Variants in ZNF444 observed in about 807,000 individuals in gnomAD.
The protein encoded by ZNF444 is zinc finger protein 444, also known as endothelial zinc finger protein 2.
A neutral mutation model predicts 14.4 loss-of-function variants in ZNF444; 8 were observed. The ratio of observed to expected loss-of-function variants is 0.56; its 90% CI spans 0.33 to 1.00. ZNF444 has a LOEUF of 1.00. ZNF444 is among the 50% of genes least tolerant of loss of function. The pLI is 0.03. For missense variants in ZNF444, 510 were observed against 504.8 expected (o/e 1.01, Z -0.10); for synonymous variants, 258 against 235.9 (o/e 1.09, Z -0.86).
At chr19:56,156,804 C>G (rs551480382) in intron 3 of ZNF444, 1 of 152,630 alleles carries the variant, frequency 6.6e-6, no homozygotes. Context: ...CTCCCCCCTT[C>G]TGTGTGCCTG....
upstream of ZNF444, among the ~76,000 whole-genome samples, chr19:56,140,062 C>G (rs1416394451): frequency 6.6e-6 from 1 of 152,196 alleles, no homozygotes; most frequent in East Asian, 1.9e-4. Flanking sequence ...GCAAACTGGT[C>G]ACAAAGTTCT....
In ZNF444 at chr19:56,146,964, C is replaced by T. The variant is rs549994174; in HGVS notation, c.53C>T (p.Ser18Phe). Residue 18 changes from serine to phenylalanine, a missense_variant, in exon 3 of 5, where the codon TCC (serine) becomes TTC (phenylalanine). By Grantham distance (155) the Ser-to-Phe change is radical. Coordinates refer to ENST00000337080, the MANE Select transcript of ZNF444 (RefSeq NM_018337.4). ...GAGGCCGAGGGCCTGGCGCTGGACT[C>T]CCCGTGGCACCGCTTCCGCCGCTTC... ...KQEAEGLALD[S>F]PWHRFRRFHL... is the part of the protein sequence containing the mutation. 5.8e-5 allele frequency: 83 copies of T among 1,442,422 alleles called. No homozygotes were observed. Among genetic ancestry groups the T allele is most frequent in the South Asian group, 1.7e-4 (12 of 69,920 alleles). The allele number at this position is 1,442,422 out of a possible 1,614,324, so 89.4% of individuals were successfully genotyped here. A position where few individuals can be genotyped will look rare whatever the true frequency, so the allele number is the denominator to read the frequency against.
upstream of ZNF444, among the ~76,000 whole-genome samples, chr19:56,138,624 C>G (rs1188179107): frequency 1.3e-5 from 2 of 152,002 alleles, no homozygotes; most frequent in Admixed American, 1.3e-4. Context: ...CAGATTCAGA[C>G]CCTGTCTCAA....
Position 56,160,355 on chromosome 19 carries a change from T to G in ZNF444, c.*154T>G. Reference sequence around the variant, plus strand: ...TTGTCTGAACTTCCCAACGCCTTCCTATTCCTTTCCAACTCCTTTTCCCCC... The same window carrying G: ...TTGTCTGAACTTCCCAACGCCTTCCGATTCCTTTCCAACTCCTTTTCCCCC... On this transcript the variant is annotated 3_prime_UTR_variant, in exon 5 of 5. Transcript: ENST00000337080. The G allele has an allele frequency of 1.7e-6, 1 of 578,406 alleles. No homozygotes were observed. The highest frequency in any genetic ancestry group is 2.8e-6 in the Non-Finnish European group (1 of 355,480). The allele number at this position is 578,406 out of a possible 1,614,324, so 35.8% of individuals were successfully genotyped here.
chr19:56,141,783 C>A (rs748318796), intron 1 of ZNF444: 1 of 151,582 alleles, frequency 6.6e-6, no homozygotes, highest in Non-Finnish European at 1.5e-5. Flanking sequence ...GGGACCGGAC[C>A]CCTTCGGAAA....
chr19:56,154,688 C>G (rs2031793694), intron 3 of ZNF444: 1 of 150,500 alleles, frequency 6.6e-6, no homozygotes, highest in Non-Finnish European at 1.5e-5. Context: ...CAGCTTGATT[C>G]CGCAGTGGGT....
Position 56,141,310 on chromosome 19 carries a change from T to C in ZNF444, c.-244T>C, listed in dbSNP as rs2030778451. On this transcript the variant is annotated 5_prime_UTR_variant, in exon 1 of 5. The change abolishes an upstream ATG in the 5' untranslated region. Transcript: ENST00000337080. ...GGAGTCCCGGCGAGCTTTGTGCGCA[T>C]GTGCGGGGAGGTGAGGGGGCTTGGG... is the stretch of plus-strand genomic sequence containing the variant. 1 of 20,078 alleles carries C rather than the reference T, an allele frequency of 5.0e-5. No individual in the cohort carries two copies. The highest frequency in any genetic ancestry group is 6.6e-4 in the Admixed American group (1 of 1,504). 1.2% of individuals were successfully genotyped at this position (20,078 alleles called of 1,614,324 possible). A position where few individuals can be genotyped will look rare whatever the true frequency, so the allele number is the denominator to read the frequency against.
Position 56,153,777 on chromosome 19 carries a change from A to G in ZNF444, c.298-4717A>G, listed in dbSNP as rs1357177441. Among the ~76,000 whole-genome samples the G allele has an allele frequency of 2.0e-5, 3 of 152,196 alleles. No homozygotes were observed. In the East Asian group the frequency reaches 5.8e-4, roughly 29 times the overall value. On this transcript the variant is annotated intron_variant, in intron 3 of 4. Transcript: ENST00000337080. ...CCAGCCAGTACCTGGTTAGCTTGAC[A>G]GGAAATGCCCCAGTCAGCCTGCGTC...
chr19:56,147,221 G>T lies in ZNF444; in HGVS notation c.297+13G>T. 7.1e-7 allele frequency: 1 copy of T among 1,416,882 alleles called. No homozygotes were observed. Among genetic ancestry groups the T allele is most frequent in the South Asian group, 1.5e-5 (1 of 66,720 alleles). 87.8% of individuals were successfully genotyped at this position (1,416,882 alleles called of 1,614,324 possible). The stretch of plus-strand genomic sequence containing the variant: ...GGAGGAGCTCTGGGTGAGCCTGGCG[G>T]GACTGCAAGCGGGGAAGGGAGAGGG... On this transcript the variant is annotated intron_variant, in intron 3 of 4. Transcript: ENST00000337080. This position sits in a 1 kb window ranked among gnomAD's most constrained non-coding sequence, Gnocchi z 5.9.
chr19:56,150,697 A>C (rs2031522914), intron 3 of ZNF444, among the ~76,000 whole-genome samples: 1 of 152,244 alleles, frequency 6.6e-6, no homozygotes, highest in Admixed American at 6.5e-5. Flanking sequence ...CCTGGGCGAT[A>C]GCCATTGTAG....
At chr19:56,157,242 T>C (rs1181156786) in intron 3 of ZNF444, 1 of 152,318 alleles carries the variant, frequency 6.6e-6, no homozygotes, top group Non-Finnish European at 1.5e-5. Flanking sequence ...GCACCTAGGA[T>C]CTAGTCAGCG....
At chr19:56,135,154 C>A (rs1035559940) in intron 1 of ZNF444, among the ~76,000 whole-genome samples, 3 of 152,100 alleles carry the variant, frequency 2.0e-5, no homozygotes, top group Admixed American at 6.6e-5. Flanking sequence ...TGGCATGAAC[C>A]CAGGAGGTGG....
rs2032202883 is a variant in ZNF444, at chr19:56,160,163, G to T, written c.946G>T (p.Asp316Tyr). The T allele has an allele frequency of 1.4e-6, 2 of 1,480,332 alleles. No individual in the cohort carries two copies. Among genetic ancestry groups the T allele is most frequent in the Non-Finnish European group, 1.8e-6 (2 of 1,124,888 alleles). 91.7% of individuals were successfully genotyped at this position (1,480,332 alleles called of 1,614,324 possible). Residue 316 changes from aspartate to tyrosine, a missense_variant, in exon 5 of 5, where the codon GAT becomes TAT. Physicochemically the swap from Asp to Tyr is radical, Grantham distance 160. Coordinates refer to ENST00000337080, the MANE Select transcript of ZNF444 (RefSeq NM_018337.4). ...GCAGGGGGCGGTAGCTCCGGGCCCG[G>T]ATGGTGGAGGCCCCTTCCCGCCCTG... ...SAQGAVAPGPDGGGPFPPWPL... is the reference protein window; with the variant it reads ...SAQGAVAPGPYGGGPFPPWPL...
chr19:56,150,383 C>T (rs952907700), intron 3 of ZNF444: 51 of 293,520 alleles, frequency 1.7e-4, no homozygotes, highest in Non-Finnish European at 1.7e-4. Flanking sequence ...GGCTCCAGGC[C>T]GTCGGGACTC....
chr19:56,157,345 C>T (rs1316884618), intron 3 of ZNF444: 1 of 152,114 alleles, frequency 6.6e-6, no homozygotes, highest in Non-Finnish European at 1.5e-5. Context: ...ATTTTGACCC[C>T]CTTATTTAGG....
chr19:56,138,822 A>T (rs554849064), upstream of ZNF444, among the ~76,000 whole-genome samples: 2 of 113,338 alleles, frequency 1.8e-5, no homozygotes, highest in African/African-American at 6.7e-5. Flanking sequence ...TTTGAGACAG[A>T]GTCTGACTCT....
In ZNF444 at chr19:56,136,114, GGA is replaced by G. The variant is rs2030605243; in HGVS notation, c.-197+3337_-197+3338del. Among the ~76,000 whole-genome samples the G allele has an allele frequency of 2.6e-5, 3 of 116,148 alleles. No homozygotes were observed. In the South Asian group the frequency reaches 8.7e-4, roughly 34 times the overall value. The allele number at this position is 116,148 out of a possible 152,430, so 76.2% of individuals were successfully genotyped here. A position where few individuals can be genotyped will look rare whatever the true frequency, so the allele number is the denominator to read the frequency against. On this transcript the variant is annotated intron_variant, in intron 1 of 2. Coordinates refer to the ZNF444 transcript ENST00000587467. ...AAAAAAAAAAAAAGCTAAAAAAAAA[GGA>G]CCCGCTCCTTATTGGGCCCTTGGGC...
intron 2 of ZNF444, among the ~76,000 whole-genome samples, 177 bp from the exon 3 acceptor site, chr19:56,146,713 C>T (rs1468003046): frequency 3.3e-5 from 5 of 152,120 alleles, no homozygotes; most frequent in African/African-American, 7.2e-5. Flanking sequence ...CGCCTGAACC[C>T]GGGAGCTGAG....
chr19:56,159,209 C>T (rs1239620853), intron 4 of ZNF444, among the ~76,000 whole-genome samples: 1 of 151,702 alleles, frequency 6.6e-6, no homozygotes, highest in Non-Finnish European at 1.5e-5. Flanking sequence ...TCTACCCATC[C>T]ATCACCCATC....
Sources: allele counts gnomAD v4.1 joint callset (sites outside exome capture counted in the v4.1 genomes callset), GRCh38; gene constraint gnomAD v4.1.1; non-coding constraint Gnocchi (gnomAD v3.1); transcripts MANE v1.5; gene names NCBI Gene and HGNC (gene_info 2026-07-23, HGNC 2026-07-21).